The following CWF19L2 variants were observed in gnomAD, a reference collection of about 807,000 sequenced individuals.
The protein encoded by CWF19L2 is CWF19 like cell cycle control factor 2.
In CWF19L2, 98 loss-of-function variants were observed where a neutral mutation model predicts 111.7. That is an observed-to-expected ratio of 0.88 (90% CI 0.75 to 1.04). CWF19L2 has a LOEUF of 1.04. Ranked by LOEUF, CWF19L2 falls within the 50% of genes least tolerant of loss-of-function variation. CWF19L2 has a pLI of 0.00. For synonymous variants in CWF19L2, 351 were observed against 342.9 expected, an observed-to-expected ratio of 1.02 and a Z score of -0.26; for missense variants, 1,101 against 1,051.4, an observed-to-expected ratio of 1.05 and a Z score of -0.65.
rs575332749 is a variant in CWF19L2, at chr11:107,368,478, G to A, written c.1873-14742C>T. On this transcript the variant is annotated intron_variant, in intron 12 of 17. Transcript: ENST00000282251. ...ATTCTTCTATTTTGAAAATTTGTCT[G>A]GCATACACATCCACTTGCCGTCACA... Among the ~76,000 whole-genome samples, 250 of 137,728 alleles carry A rather than the reference G, an allele frequency of 1.8e-3. 54 individuals are homozygous for A. Among genetic ancestry groups the A allele is most frequent in the African/African-American group, 7.0e-3 (242 of 34,650 alleles). The allele number at this position is 137,728 out of a possible 152,430, so 90.4% of individuals were successfully genotyped here.
intron 8 of CWF19L2, among the ~76,000 whole-genome samples, chr11:107,426,729 T>G (rs968510105): frequency 1.3e-5 from 2 of 151,766 alleles, no homozygotes; most frequent in African/African-American, 4.8e-5. Flanking sequence ...GAATGGTATA[T>G]GCATTGTAGA....
intron 10 of CWF19L2, among the ~76,000 whole-genome samples, 198 bp from the exon 11 acceptor site, chr11:107,393,093 T>A (rs998832897): frequency 6.6e-6 from 1 of 152,150 alleles, no homozygotes; most frequent in Non-Finnish European, 1.5e-5. Flanking sequence ...AAATACCCAA[T>A]GTTTATTTTA....
intron 4 of CWF19L2, 112 bp downstream of exon 4, chr11:107,442,827 A>AGG: frequency 2.1e-6 from 1 of 479,404 alleles, no homozygotes; most frequent in Non-Finnish European, 3.7e-6. Context: ...AGGGGGAGGG[A>AGG]GGGAGAGAGG....
chr11:107,360,819 T>G (rs1860317650), intron 12 of CWF19L2, among the ~76,000 whole-genome samples: 1 of 152,236 alleles, frequency 6.6e-6, no homozygotes, highest in Non-Finnish European at 1.5e-5. Flanking sequence ...CCTTGCCCAC[T>G]TTTTAGTGGG....
intron 12 of CWF19L2, among the ~76,000 whole-genome samples, chr11:107,379,057 T>C (rs1016181624): frequency 6.6e-6 from 1 of 152,168 alleles, no homozygotes; most frequent in African/African-American, 2.4e-5. Flanking sequence ...GCCAGATTCG[T>C]TAAAGAGATA....
chr11:107,439,050 A>AAAC (rs1555028417), intron 6 of CWF19L2, 40 bp downstream of exon 6: 18 of 942,330 alleles, frequency 1.9e-5, no homozygotes, highest in Non-Finnish European at 2.8e-5. Flanking sequence ...AAAAAAAAAA[A>AAAC]AAAAAACCCT....
intron 17 of CWF19L2, 139 bp downstream of exon 17, chr11:107,329,779 G>T: frequency 1.9e-6 from 1 of 515,722 alleles, no homozygotes; most frequent in East Asian, 3.2e-5. Context: ...ATAGTTGCTA[G>T]GTATTCCCTC....
intron 14 of CWF19L2, among the ~76,000 whole-genome samples, chr11:107,344,345 T>A (rs1014821226): frequency 6.6e-6 from 1 of 152,212 alleles, no homozygotes; most frequent in Non-Finnish European, 1.5e-5. Flanking sequence ...TTTCCAGGAT[T>A]TTTTCTTTTA....
chr11:107,403,857 G>C (rs1349214742), intron 10 of CWF19L2: 2 of 803,232 alleles, frequency 2.5e-6, no homozygotes, highest in Non-Finnish European at 4.4e-6. Flanking sequence ...GTGCTTTCTA[G>C]GAATTTCCTC....
chr11:107,332,709 A>T (rs1859867520), intron 16 of CWF19L2, among the ~76,000 whole-genome samples: 1 of 152,218 alleles, frequency 6.6e-6, no homozygotes, highest in African/African-American at 2.4e-5. Flanking sequence ...AAATACTTTT[A>T]TTAATTTTTG....
chr11:107,362,470 G>A (rs911304621), intron 12 of CWF19L2, among the ~76,000 whole-genome samples: 10 of 152,092 alleles, frequency 6.6e-5, no homozygotes, highest in East Asian at 1.9e-4. Flanking sequence ...CACGCAGCTG[G>A]AGATCTGAAT....
At chr11:107,450,456 G>A (rs1645444991) in intron 3 of CWF19L2, among the ~76,000 whole-genome samples, 1 of 152,042 alleles carries the variant, frequency 6.6e-6, no homozygotes, top group Admixed American at 6.6e-5. Context: ...AAGAGGCTGA[G>A]GTGGGAGAGT....
chr11:107,348,836 TA>T (rs1860117175), intron 14 of CWF19L2, 100 bp downstream of exon 14: 2 of 577,940 alleles, frequency 3.5e-6, no homozygotes, highest in Non-Finnish European at 6.1e-6. Context: ...GTTTAGAAAC[TA>T]AAATCATTAA....
intron 12 of CWF19L2, among the ~76,000 whole-genome samples, chr11:107,357,668 G>A (rs1267109541): frequency 6.6e-6 from 1 of 152,094 alleles, no homozygotes; most frequent in African/African-American, 2.4e-5. Flanking sequence ...ACTGATCCAG[G>A]AACAATTAAT....
At chr11:107,338,681 G>C (rs1184775367) in intron 14 of CWF19L2, among the ~76,000 whole-genome samples, 2 of 152,144 alleles carry the variant, frequency 1.3e-5, no homozygotes, top group African/African-American at 4.8e-5. Context: ...GTGGTTTTCT[G>C]TTCTGGCATT....
At chr11:107,420,298 T>C (rs989271881) in intron 8 of CWF19L2, among the ~76,000 whole-genome samples, 2 of 152,132 alleles carry the variant, frequency 1.3e-5, no homozygotes, top group African/African-American at 2.4e-5. Context: ...CAGACATACG[T>C]ATGTTAAACA....
In CWF19L2 at chr11:107,421,173, C is replaced by G. The variant is rs564607303; in HGVS notation, c.1434-2886G>C. Among the ~76,000 whole-genome samples the G allele has an allele frequency of 3.3e-5, 5 of 152,120 alleles. No individual in the cohort carries two copies. In the South Asian group the frequency reaches 8.3e-4, roughly 25 times the overall value. On this transcript the variant is annotated intron_variant, in intron 8 of 17. Coordinates refer to ENST00000282251, the MANE Select transcript of CWF19L2 (RefSeq NM_152434.3). ...AATCCTCAACTATAATACTTGGAAA[C>G]TAAATAGCGCAACTGTAAATAACCC...
chr11:107,421,130 TA>T (rs146308371), intron 8 of CWF19L2, among the ~76,000 whole-genome samples: 6,122 of 152,138 alleles, frequency 0.04, 151 homozygotes, highest in East Asian at 0.11. Flanking sequence ...TAGAAATCAT[TA>T]ACAAAAGTCT....
At chr11:107,362,118 G>A (rs549679771) in intron 12 of CWF19L2, among the ~76,000 whole-genome samples, 6 of 152,196 alleles carry the variant, frequency 3.9e-5, no homozygotes, top group African/African-American at 4.8e-5. Flanking sequence ...TTTCAGACCG[G>A]CTTAAAAAAC....
Sources: allele counts gnomAD v4.1 joint callset (sites outside exome capture counted in the v4.1 genomes callset), GRCh38; gene constraint gnomAD v4.1.1; transcripts MANE v1.5; gene names NCBI Gene and HGNC (gene_info 2026-07-23, HGNC 2026-07-21).